The following SAMD12 variants were observed in gnomAD, a reference collection of about 807,000 sequenced individuals.
SAMD12 encodes the protein sterile alpha motif domain containing 12, also known as sterile alpha motif domain-containing protein 12.
Under a neutral mutation model 15.0 loss-of-function variants are expected in SAMD12, and 9 were observed. That is an observed-to-expected ratio of 0.60 (90% CI 0.36 to 1.05). SAMD12 has a LOEUF of 1.05. Ranked by LOEUF, SAMD12 falls within the 50% of genes least tolerant of loss-of-function variation. SAMD12 has a pLI of 0.01. For missense variants in SAMD12, 230 were observed against 234.2 expected (o/e 0.98, Z 0.12); for synonymous variants, 86 against 90.1 (o/e 0.96, Z 0.25).
At chr8:118,214,517 G>C (rs17507494) in intron 4 of SAMD12, among the ~76,000 whole-genome samples, 390 of 152,330 alleles carry the variant, frequency 2.6e-3, no homozygotes, top group African/African-American at 8.9e-3. Flanking sequence ...AGCTAAAGAG[G>C]CTTAAGGAAA....
rs1306783389 is a variant in SAMD12, at chr8:118,604,944, T to A, written c.13+16860A>T. 2.0e-5 allele frequency among the ~76,000 whole-genome samples: 3 copies of A among 151,632 alleles called. 1 individual carries two copies. The highest frequency in any genetic ancestry group is 2.9e-5 in the Non-Finnish European group (2 of 67,884). ...CTCAAAAAAATAAAAAAAATAAAAA[T>A]AAATAAATAAAATGTCATGAAAATA... On this transcript the variant is annotated intron_variant, in intron 1 of 3. Transcript: ENST00000314727.
chr8:118,321,077 G>C (rs1455016758), intron 4 of SAMD12, among the ~76,000 whole-genome samples: 1 of 137,766 alleles, frequency 7.3e-6, no homozygotes, highest in Non-Finnish European at 1.5e-5. Flanking sequence ...GCAAGAAGTT[G>C]ATGAATACAT....
At chr8:118,328,735 C>T (rs755360830) in intron 4 of SAMD12, among the ~76,000 whole-genome samples, 2 of 152,176 alleles carry the variant, frequency 1.3e-5, no homozygotes, top group African/African-American at 4.8e-5. Context: ...ATGGAACTCA[C>T]TGAGCCTCAC....
chr8:118,428,984 G>A (rs1053243555), intron 3 of SAMD12, among the ~76,000 whole-genome samples: 1 of 152,044 alleles, frequency 6.6e-6, no homozygotes, highest in African/African-American at 2.4e-5. Flanking sequence ...AAAAAATCTG[G>A]TGTTATATTG....
chr8:118,516,261 C>T (rs1450986988), intron 2 of SAMD12, among the ~76,000 whole-genome samples: 1 of 152,262 alleles, frequency 6.6e-6, no homozygotes, highest in East Asian at 1.9e-4. Flanking sequence ...ATTACTTATA[C>T]AGTTTATATC....
intron 3 of SAMD12, among the ~76,000 whole-genome samples, chr8:118,404,736 G>A (rs1209155956): frequency 6.6e-6 from 1 of 152,172 alleles, no homozygotes; most frequent in African/African-American, 2.4e-5. Context: ...CATAAATGAG[G>A]CTGAGAAAGG....
At chr8:118,167,853 A>G in the SAMD12 span, among the ~76,000 whole-genome samples, 31 of 152,234 alleles carry the variant, frequency 2.0e-4, no homozygotes, top group Non-Finnish European at 2.6e-4. Context: ...CAACATGTTC[A>G]ACTACAGGTG....
At chr8:118,170,336 C>G in the SAMD12 span, among the ~76,000 whole-genome samples, 134 of 152,148 alleles carry the variant, frequency 8.8e-4, no homozygotes, top group African/African-American at 3.1e-3. Context: ...ACTGATATAT[C>G]TTATAAAATG....
chr8:118,256,322 G>T (rs1173535622), intron 4 of SAMD12, among the ~76,000 whole-genome samples: 4 of 152,102 alleles, frequency 2.6e-5, no homozygotes, highest in African/African-American at 4.8e-5. Context: ...GTAAATACAT[G>T]TGGTTAGCCT....
intron 2 of SAMD12, among the ~76,000 whole-genome samples, chr8:118,522,886 A>G (rs933485046): frequency 3.9e-5 from 6 of 152,190 alleles, no homozygotes; most frequent in African/African-American, 1.2e-4. Context: ...ATTTTGGTGT[A>G]AAGACATTTA....
At chr8:118,260,402 T>G (rs748324909) in intron 4 of SAMD12, among the ~76,000 whole-genome samples, 15 of 152,164 alleles carry the variant, frequency 9.9e-5, no homozygotes, top group Non-Finnish European at 2.1e-4. Flanking sequence ...TTATGTTATT[T>G]TGTAAATATC....
downstream of SAMD12, among the ~76,000 whole-genome samples, chr8:118,376,205 T>C (rs1819380290): frequency 6.6e-6 from 1 of 152,244 alleles, no homozygotes; most frequent in Non-Finnish European, 1.5e-5. Flanking sequence ...AAAATGGACT[T>C]TGAAAGTGAT....
intron 2 of SAMD12, among the ~76,000 whole-genome samples, chr8:118,578,877 G>A (rs924523378): frequency 2.0e-5 from 3 of 152,152 alleles, no homozygotes; most frequent in African/African-American, 7.2e-5. Flanking sequence ...AACCTCATTT[G>A]TTGGGGATGG....
intron 2 of SAMD12, among the ~76,000 whole-genome samples, chr8:118,558,720 G>A (rs757953157): frequency 8.5e-5 from 13 of 152,066 alleles, no homozygotes; most frequent in Non-Finnish European, 1.5e-4. Context: ...CACCACGCCC[G>A]GCTAATTTTT....
the SAMD12 span, among the ~76,000 whole-genome samples, chr8:118,138,836 C>T: frequency 6.6e-6 from 1 of 152,210 alleles, no homozygotes; most frequent in African/African-American, 2.4e-5. Context: ...AGCTGCCCCA[C>T]AGCCTCAAAT....
chr8:118,343,489 T>A (rs1817476843), intron 4 of SAMD12, among the ~76,000 whole-genome samples: 1 of 152,016 alleles, frequency 6.6e-6, no homozygotes, highest in African/African-American at 2.4e-5. Flanking sequence ...GTGATGAAGA[T>A]CTTTGTGGTT....
intron 4 of SAMD12, among the ~76,000 whole-genome samples, chr8:118,363,562 C>T (rs970495261): frequency 1.3e-5 from 2 of 152,118 alleles, no homozygotes; most frequent in Admixed American, 6.6e-5. Context: ...GAATGAAACT[C>T]ACACCATCTG....
At chr8:118,548,402 C>T (rs1050964748) in intron 2 of SAMD12, among the ~76,000 whole-genome samples, 2 of 151,060 alleles carry the variant, frequency 1.3e-5, no homozygotes, top group African/African-American at 2.4e-5. Flanking sequence ...CACACACACA[C>T]ACACACACAC....
chr8:118,472,584 A>G (rs1823832247), intron 2 of SAMD12, among the ~76,000 whole-genome samples: 1 of 152,056 alleles, frequency 6.6e-6, no homozygotes, highest in Non-Finnish European at 1.5e-5. Context: ...CTGAGGTGGG[A>G]GGATCCCTTT....
Sources: gnomAD v4.1 joint callset for allele counts (sites outside exome capture counted in the v4.1 genomes callset) on GRCh38, gnomAD v4.1.1 for gene constraint, MANE v1.5 for transcripts, NCBI Gene and HGNC (gene_info 2026-07-23, HGNC 2026-07-21) for gene names.